Variants in DECR1 observed in about 807,000 individuals in gnomAD.
The protein encoded by DECR1 is 2,4-dienoyl-CoA reductase [(3E)-enoyl-CoA-producing], mitochondrial.
In DECR1, 44 loss-of-function variants were observed where a neutral mutation model predicts 38.8. The observed-to-expected ratio is 1.13, with a 90% confidence interval of 0.89 to 1.46. DECR1 has a LOEUF of 1.46. DECR1 is among the 40% of genes most tolerant of loss of function. DECR1 has a pLI of 0.00. For missense variants in DECR1, 428 were observed against 405.5 expected (o/e 1.06, Z -0.48); for synonymous variants, 148 against 135.2 (o/e 1.09, Z -0.66).
intron 4 of DECR1, among the ~76,000 whole-genome samples, chr8:90,019,405 C>G (rs917696666): frequency 6.6e-6 from 1 of 152,216 alleles, no homozygotes; most frequent in African/African-American, 2.4e-5. Flanking sequence ...TGTGACTGTT[C>G]CTTCAGAGCA....
At chr8:90,034,616 T>C (rs1035750183) in intron 5 of DECR1, among the ~76,000 whole-genome samples, 1 of 152,088 alleles carries the variant, frequency 6.6e-6, no homozygotes, top group Non-Finnish European at 1.5e-5. Context: ...CACACCTGGC[T>C]AATTTTTGTA....
chr8:90,046,689 C>T (rs1813913598), intron 8 of DECR1, among the ~76,000 whole-genome samples: 1 of 152,092 alleles, frequency 6.6e-6, no homozygotes, highest in Non-Finnish European at 1.5e-5. Flanking sequence ...ACAGAGAAGG[C>T]TACAAAGATA....
chr8:90,036,194 C>G (rs1813613103), intron 5 of DECR1, among the ~76,000 whole-genome samples: 1 of 152,094 alleles, frequency 6.6e-6, no homozygotes, highest in Non-Finnish European at 1.5e-5. Flanking sequence ...TCTTAGAAAC[C>G]TTAGTTTCCT....
At chr8:90,018,798 A>G in intron 2 of DECR1, 111 bp from the exon 3 acceptor site, 2 of 834,650 alleles carry the variant, frequency 2.4e-6, no homozygotes, top group Non-Finnish European at 3.9e-6. Flanking sequence ...TATATAAATA[A>G]CATCTATACT....
rs1425128361 is a variant in DECR1, at chr8:90,044,881, AT to A, written c.774del (p.Phe258LeufsTer5). On this transcript the variant is annotated frameshift_variant, in exon 8 of 10. Transcript: ENST00000220764. LOFTEE classifies it high-confidence loss of function. ...TTAGCCGTCTGGACCCAACTGGAAC[AT>A]TTGAGAAAGAAATGATTGGCAGAAT... ...AFSRLDPTGT[F>X]EKEMIGRIPC... The A allele has an allele frequency of 1.2e-6, 2 of 1,613,598 alleles. No homozygotes were observed. Among genetic ancestry groups the A allele is most frequent in the Non-Finnish European group, 8.5e-7 (1 of 1,179,724 alleles).
chr8:90,032,182 T>A (rs1485072448), intron 5 of DECR1, among the ~76,000 whole-genome samples: 2 of 152,150 alleles, frequency 1.3e-5, no homozygotes, highest in African/African-American at 4.8e-5. Context: ...ATTTAGGTCG[T>A]TGGAAGAATC....
rs759851485 is a variant in DECR1, at chr8:90,018,895, G to T, written c.273-14G>T. 2 of 1,569,976 alleles carry T rather than the reference G, an allele frequency of 1.3e-6. No homozygotes were observed. The highest frequency in any genetic ancestry group is 2.3e-5 in the East Asian group (1 of 44,356). On this transcript the variant is annotated splice_polypyrimidine_tract_variant and intron_variant, in intron 2 of 9. Coordinates refer to ENST00000220764, the MANE Select transcript of DECR1 (RefSeq NM_001359.2). ...AAAATATAATATGAAGTCATACAAG[G>T]TGTTTATTTCTAGGAAGATGGATGT...
At chr8:90,050,161 G>A (rs1374134874) in intron 8 of DECR1, among the ~76,000 whole-genome samples, 2 of 152,098 alleles carry the variant, frequency 1.3e-5, no homozygotes, top group African/African-American at 4.8e-5. Flanking sequence ...GGCCACAAAA[G>A]CCAAAATAGA....
rs554415634 is a variant in DECR1 at position 90,027,694 on chromosome 8, A to C, written c.565+6638A>C. 4.6e-5 allele frequency among the ~76,000 whole-genome samples: 7 copies of C among 152,104 alleles called. No individual in the cohort carries two copies. In the East Asian group the frequency reaches 1.2e-3, roughly 25 times the overall value. On this transcript the variant is annotated intron_variant, in intron 5 of 9. Transcript: ENST00000220764. Reference sequence around the variant, plus strand: ...TCCAATTTGCCAGTCTGTGTCTTTTAATTGGAGCATTTAGCCCATTTACAT... The same window carrying C: ...TCCAATTTGCCAGTCTGTGTCTTTTCATTGGAGCATTTAGCCCATTTACAT...
At chr8:90,004,346 CAAAAAGAAAAAAAAA>C (rs1812689641) in intron 1 of DECR1, among the ~76,000 whole-genome samples, 1 of 121,774 alleles carries the variant, frequency 8.2e-6, no homozygotes, top group Non-Finnish European at 1.7e-5. Context: ...GATTCTATCT[CAAAAAGAAAAAAAAA>C]AAAAAGAATA....
intron 8 of DECR1, 197 bp downstream of exon 8, chr8:90,045,192 C>A: frequency 3.1e-6 from 1 of 326,690 alleles, no homozygotes; most frequent in South Asian, 5.3e-5. Context: ...TGTTCTCACA[C>A]TGCTAAAGAC....
chr8:90,014,049 A>G (rs1019501869), intron 1 of DECR1, among the ~76,000 whole-genome samples: 4 of 152,238 alleles, frequency 2.6e-5, no homozygotes, highest in Admixed American at 6.5e-5. Flanking sequence ...TAACTAAAAA[A>G]TAATTCTGTA....
chr8:90,019,469 G>A (rs1200111609), intron 4 of DECR1, among the ~76,000 whole-genome samples: 1 of 152,246 alleles, frequency 6.6e-6, no homozygotes, highest in Non-Finnish European at 1.5e-5. Context: ...CAGTTTTATA[G>A]TCGTATTTAT....
At chr8:90,042,686 G>T in intron 6 of DECR1, 42 bp from the exon 7 acceptor site, 4 of 1,522,900 alleles carry the variant, frequency 2.6e-6, no homozygotes, top group Non-Finnish European at 3.6e-6. Flanking sequence ...TTAACATATG[G>T]TATAATATTT....
rs1812720720 is a variant in DECR1 at position 90,005,655 on chromosome 8, A to ACCAGT, written c.69+4096_69+4100dup. On this transcript the variant is annotated intron_variant, in intron 1 of 9. Transcript: ENST00000220764. ...ATACCCAACGATCCTGTCAAAATTT[A>ACCAGT]CCAGTCATATCAACTGTCTCTGCAC... is the stretch of plus-strand genomic sequence containing the variant. 2.5e-5 allele frequency: 9 copies of ACCAGT among 357,656 alleles called. No homozygotes were observed. In the Admixed American group the frequency reaches 3.4e-4, roughly 14 times the overall value. The allele number at this position is 357,656 out of a possible 1,614,324, so 22.2% of individuals were successfully genotyped here. A position where few individuals can be genotyped will look rare whatever the true frequency, so the allele number is the denominator to read the frequency against.
Position 90,018,177 on chromosome 8 carries a change from C to G in DECR1, c.273-732C>G, listed in dbSNP as rs144785623. ...TGCTGGGATTACAGGCGTGAGCCAC[C>G]GCGCCCAGCCAGTACTTTCATTTTC... On this transcript the variant is annotated intron_variant, in intron 2 of 9. Coordinates refer to ENST00000220764, the MANE Select transcript of DECR1 (RefSeq NM_001359.2). Among the ~76,000 whole-genome samples, 1,456 of 152,320 alleles carry G rather than the reference C, an allele frequency of 9.6e-3. 26 individuals carry two copies. The highest frequency in any genetic ancestry group is 0.034 in the African/African-American group (1,406 of 41,566).
chr8:90,014,511 C>T (rs1213120752), intron 1 of DECR1, among the ~76,000 whole-genome samples: 2 of 152,140 alleles, frequency 1.3e-5, no homozygotes, highest in African/African-American at 4.8e-5. Flanking sequence ...TAGTATTGAT[C>T]AGATCATATA....
At chr8:90,041,331 G>A (rs1721118185) in intron 6 of DECR1, among the ~76,000 whole-genome samples, 1 of 151,582 alleles carries the variant, frequency 6.6e-6, no homozygotes, top group African/African-American at 2.4e-5. Flanking sequence ...TTGTGTTTAA[G>A]TTTAATTTGT....
At chr8:90,020,287 C>T (rs1220970164) in intron 4 of DECR1, among the ~76,000 whole-genome samples, 1 of 152,028 alleles carries the variant, frequency 6.6e-6, no homozygotes, top group Non-Finnish European at 1.5e-5. Flanking sequence ...TAAAATGACA[C>T]CAGAAACAAA....
Sources: gnomAD v4.1 joint callset for allele counts (sites outside exome capture counted in the v4.1 genomes callset) on GRCh38, gnomAD v4.1.1 for gene constraint, MANE v1.5 for transcripts, NCBI Gene and HGNC (gene_info 2026-07-23, HGNC 2026-07-21) for gene names.